The following USP6NL variants were observed in gnomAD, a reference collection of about 807,000 sequenced individuals.
The protein encoded by USP6NL is USP6 N-terminal like.
In USP6NL, 26 loss-of-function variants were observed where a neutral mutation model predicts 61.9. The ratio of observed to expected loss-of-function variants is 0.42; its 90% confidence interval spans 0.31 to 0.58. The LOEUF (loss-of-function observed/expected upper bound fraction) is 0.58, where lower values mean the gene tolerates loss of function less well. USP6NL is among the 20% of genes least tolerant of loss of function. The probability of loss-of-function intolerance (pLI) is 0.16; values close to 1 mark genes in which losing one functional copy is unlikely to be tolerated. For synonymous variants in USP6NL, 432 were observed against 390.1 expected, an observed-to-expected ratio of 1.11 and a Z score of -1.27; for missense variants, 1,114 against 1,034.3, an observed-to-expected ratio of 1.08 and a Z score of -1.06.
Position 11,463,264 on chromosome 10 carries a change from G to C in USP6NL, c.1664C>G (p.Pro555Arg), listed in dbSNP as rs1458242606. The C allele has an allele frequency of 6.2e-7, 1 of 1,613,760 alleles. No individual in the cohort carries two copies. Among genetic ancestry groups the C allele is most frequent in the South Asian group, 1.1e-5 (1 of 91,074 alleles). ...AGCGCCGCTGTCCAGCTCCGGGCCT[G>C]GCACGTTGTCGTACTGCGATGCAGT... ...GSTASQYDNV[P>R]GPELDSGASV... Residue 555 changes from proline to arginine, a missense_variant, in exon 15 of 15, where the codon CCA becomes CGA. Physicochemically the swap from Pro to Arg is moderately radical, Grantham distance 103. Coordinates refer to ENST00000609104, the MANE Select transcript of USP6NL (RefSeq NM_014688.5). This position sits in a 1 kb window ranked among gnomAD's most constrained non-coding sequence, Gnocchi z 6.3.
intron 2 of USP6NL, among the ~76,000 whole-genome samples, chr10:11,569,202 A>T (rs545765679): frequency 4.6e-5 from 7 of 152,366 alleles, no homozygotes; most frequent in African/African-American, 1.7e-4. Flanking sequence ...ATATAAGCTG[A>T]AAACGATTAT....
chr10:11,562,696 T>C lies in USP6NL; in HGVS notation c.4+34935A>G. The C allele has an allele frequency of 1.0e-6, 1 of 985,444 alleles. No individual in the cohort carries two copies. The highest frequency in any genetic ancestry group is 1.7e-5 in the African/African-American group (1 of 57,370). 61.0% of individuals were successfully genotyped at this position (985,444 alleles called of 1,614,324 possible). The stretch of plus-strand genomic sequence containing the variant: ...TAGCCACTTGTATTTCTGTAACTTG[T>C]CTATTTTATCTGCCAAATTTTCACT... On this transcript the variant is annotated intron_variant, in intron 2 of 14. Transcript: ENST00000609104. The surrounding 1 kb of genome is among the most constrained non-coding windows in gnomAD (Gnocchi z 4.8).
chr10:11,582,369 G>C (rs1226105560), intron 2 of USP6NL, among the ~76,000 whole-genome samples: 1 of 152,210 alleles, frequency 6.6e-6, no homozygotes, highest in African/African-American at 2.4e-5. Flanking sequence ...CCAAATTACT[G>C]GAATTACAGG....
chr10:11,478,464 A>G lies in USP6NL; in HGVS notation c.1078+3306T>C, dbSNP rs1162311002. 1.4e-5 allele frequency among the ~76,000 whole-genome samples: 2 copies of G among 148,122 alleles called. No homozygotes were observed. Among genetic ancestry groups the G allele is most frequent in the African/African-American group, 2.4e-5 (1 of 41,272 alleles). On this transcript the variant is annotated intron_variant, in intron 14 of 14. Transcript: ENST00000609104. This position sits in a 1 kb window ranked among gnomAD's most constrained non-coding sequence, Gnocchi z 6.8. The stretch of plus-strand genomic sequence containing the variant: ...TACTTAGAAAAACTCAATTTTTAAA[A>G]TATCAATTTTCTCTCAAAAATCCTT...
At chr10:11,559,362 A>G in intron 2 of USP6NL, among the ~76,000 whole-genome samples, 1 of 152,214 alleles carries the variant, frequency 6.6e-6, no homozygotes, top group Non-Finnish European at 1.5e-5. Flanking sequence ...GATATAGCCT[A>G]CTTTGTCATT....
At chr10:11,594,332 G>A (rs1182027947) in intron 2 of USP6NL, among the ~76,000 whole-genome samples, 1 of 152,162 alleles carries the variant, frequency 6.6e-6, no homozygotes, top group Non-Finnish European at 1.5e-5. Context: ...ACTGAAAACT[G>A]AAAACAAGGC....
chr10:11,560,516 A>G (rs988095244), intron 2 of USP6NL, among the ~76,000 whole-genome samples: 26 of 151,772 alleles, frequency 1.7e-4, no homozygotes, highest in African/African-American at 6.3e-4. Context: ...CTGCCCTAAA[A>G]CATGCTACCC....
chr10:11,563,130 T>TC (rs1251226970), intron 2 of USP6NL: 1 of 152,138 alleles, frequency 6.6e-6, no homozygotes, highest in Non-Finnish European at 1.5e-5. Context: ...GACAAACCAT[T>TC]GATACATGAA....
intron 2 of USP6NL, among the ~76,000 whole-genome samples, chr10:11,594,985 C>T (rs1359822611): frequency 1.3e-5 from 2 of 152,192 alleles, no homozygotes; most frequent in Non-Finnish European, 2.9e-5. Context: ...GCACAGGGCT[C>T]ACCTCCCAAC....
chr10:11,596,330 G>C lies in USP6NL; in HGVS notation c.4+1301C>G, dbSNP rs539491705. Among the ~76,000 whole-genome samples the C allele has an allele frequency of 5.3e-4, 81 of 152,216 alleles. No individual in the cohort carries two copies. Among genetic ancestry groups the C allele is most frequent in the African/African-American group, 1.9e-3 (80 of 41,514 alleles). ...CATGATTGGAGCTGAAATAACAAAA[G>C]CTCTTTCTTGGCCGGGCGCGGTGGC... On this transcript the variant is annotated intron_variant, in intron 2 of 14. Transcript: ENST00000609104. This position sits in a 1 kb window ranked among gnomAD's most constrained non-coding sequence, Gnocchi z 4.1.
At chr10:11,527,593 T>C (rs937291569) in intron 2 of USP6NL, 26 bp from the exon 3 acceptor site, 4 of 1,587,304 alleles carry the variant, frequency 2.5e-6, no homozygotes, top group Non-Finnish European at 3.4e-6. Context: ...CAAATTTAGA[T>C]GAATTGTCAT....
rs937024349 is a variant in USP6NL, at chr10:11,548,363, G to A, written c.5-20796C>T. 2.0e-5 allele frequency among the ~76,000 whole-genome samples: 3 copies of A among 152,188 alleles called. No individual in the cohort carries two copies. The highest frequency in any genetic ancestry group is 7.2e-5 in the African/African-American group (3 of 41,442). On this transcript the variant is annotated intron_variant, in intron 2 of 14. Coordinates refer to ENST00000609104, the MANE Select transcript of USP6NL (RefSeq NM_014688.5). This position sits in a 1 kb window ranked among gnomAD's most constrained non-coding sequence, Gnocchi z 4.3. ...TCCACTTTTATTTTCTGGCTGTTAAGTCAATTTAATGGGTTCTTATTAGCA... is the reference window on the plus strand; with the variant it reads ...TCCACTTTTATTTTCTGGCTGTTAAATCAATTTAATGGGTTCTTATTAGCA...
rs1474833897 is a variant in USP6NL at position 11,491,560 on chromosome 10, C to T, written c.495-680G>A. ...CCCAACCACTTTGGGCTCCTTATGC[C>T]TCTGAACCAACAGGCAAAGAAGGAC... On this transcript the variant is annotated intron_variant, in intron 8 of 14. Coordinates refer to ENST00000609104, the MANE Select transcript of USP6NL (RefSeq NM_014688.5). The surrounding 1 kb of genome is among the most constrained non-coding windows in gnomAD (Gnocchi z 4.7). 1.3e-5 allele frequency among the ~76,000 whole-genome samples: 2 copies of T among 152,180 alleles called. No individual in the cohort carries two copies. Among genetic ancestry groups the T allele is most frequent in the African/African-American group, 4.8e-5 (2 of 41,444 alleles).
rs572910995 is a variant in USP6NL at position 11,528,959 on chromosome 10, G to T, written c.5-1392C>A. ...GAAACCAATAGAAATGCCAAAAACG[G>T]AAGATGCATGAAGCAGCAATACTGG... On this transcript the variant is annotated intron_variant, in intron 2 of 14. Coordinates refer to ENST00000609104, the MANE Select transcript of USP6NL (RefSeq NM_014688.5). This position sits in a 1 kb window ranked among gnomAD's most constrained non-coding sequence, Gnocchi z 4.6. Among the ~76,000 whole-genome samples the T allele has an allele frequency of 6.6e-6, 1 of 152,246 alleles. No individual in the cohort carries two copies. Among genetic ancestry groups the T allele is most frequent in the South Asian group, 2.1e-4 (1 of 4,818 alleles).
chr10:11,494,322 C>A (rs1833822971), intron 7 of USP6NL, among the ~76,000 whole-genome samples: 1 of 152,172 alleles, frequency 6.6e-6, no homozygotes, highest in Non-Finnish European at 1.5e-5. Flanking sequence ...TTTTTATCCA[C>A]AGGGTTGGGT....
At chr10:11,477,509 G>T (rs1833020841) in intron 14 of USP6NL, among the ~76,000 whole-genome samples, 3 of 152,082 alleles carry the variant, frequency 2.0e-5, no homozygotes, top group Non-Finnish European at 1.5e-5. Context: ...ATATCAGACG[G>T]AAACAGTTTC....
intron 2 of USP6NL, among the ~76,000 whole-genome samples, chr10:11,593,643 T>C (rs1838228785): frequency 1.3e-5 from 2 of 152,190 alleles, no homozygotes. Context: ...ACTAACAGCA[T>C]CATACAGTAC....
intron 5 of USP6NL, among the ~76,000 whole-genome samples, chr10:11,512,207 C>G (rs1834750435): frequency 1.3e-5 from 2 of 152,244 alleles, no homozygotes; most frequent in South Asian, 4.1e-4. Flanking sequence ...TAAAGTTCAA[C>G]AGAGACTTTA....
In USP6NL at chr10:11,527,531, T is replaced by C. The variant is rs1452742045; in HGVS notation, c.41A>G (p.Glu14Gly). 1 of 1,609,436 alleles carries C rather than the reference T, an allele frequency of 6.2e-7. No homozygotes were observed. Residue 14 changes from glutamate to glycine, a missense_variant, in exon 3 of 15, where the codon GAG becomes GGG. Physicochemically the swap from Glu to Gly is moderately conservative, Grantham distance 98 (BLOSUM62 -2). Coordinates refer to ENST00000609104, the MANE Select transcript of USP6NL (RefSeq NM_014688.5). ...DQDVALKLAQ[E>G]RAEIVAKYDR... is the part of the protein sequence containing the mutation. ...ATATTTAGCAACTATTTCAGCTCGC[T>C]CCTGGGCAAGTTTGAGTGCTACATC...
Sources: allele counts gnomAD v4.1 joint callset (sites outside exome capture counted in the v4.1 genomes callset), GRCh38; gene constraint gnomAD v4.1.1; non-coding constraint Gnocchi (gnomAD v3.1); transcripts MANE v1.5; gene names NCBI Gene and HGNC (gene_info 2026-07-23, HGNC 2026-07-21).